The following DNAAF10 variants were observed in gnomAD, a reference collection of about 807,000 sequenced individuals.
DNAAF10 encodes WD repeat domain 92.
Under a neutral mutation model 43.7 loss-of-function variants are expected in DNAAF10, and 28 were observed. That is an observed-to-expected ratio of 0.64 (90% confidence interval 0.48 to 0.88). The LOEUF is 0.88. DNAAF10 is among the 40% of genes least tolerant of loss of function. DNAAF10 has a pLI of 0.00. For synonymous variants in DNAAF10, 156 were observed against 157.3 expected (o/e 0.99, Z 0.06); for missense variants, 403 against 439.1 (o/e 0.92, Z 0.73).
chr2:68,134,244 T>C, intron 7 of DNAAF10: 5 of 995,314 alleles, frequency 5.0e-6, no homozygotes, highest in Non-Finnish European at 4.8e-6. Context: ...AAAGCTTTCA[T>C]TGTAACTCAC....
At chr2:68,132,913 A>T (rs1672954054) in intron 7 of DNAAF10, among the ~76,000 whole-genome samples, 1 of 152,230 alleles carries the variant, frequency 6.6e-6, no homozygotes. Flanking sequence ...TCCAGCTGCG[A>T]AAGTGTTCGT....
chr2:68,132,839 A>G (rs1426177530), intron 7 of DNAAF10, among the ~76,000 whole-genome samples: 1 of 152,242 alleles, frequency 6.6e-6, no homozygotes, highest in African/African-American at 2.4e-5. Flanking sequence ...ACATTGCGCT[A>G]AACTTCAAAT....
chr2:68,139,761 G>A (rs1158087930), intron 4 of DNAAF10, among the ~76,000 whole-genome samples: 1 of 150,878 alleles, frequency 6.6e-6, no homozygotes, highest in South Asian at 2.1e-4. Flanking sequence ...CCAAGATCGC[G>A]CCAATGCACT....
At chr2:68,138,246 T>G (rs1457329632) in intron 5 of DNAAF10, among the ~76,000 whole-genome samples, 1 of 152,084 alleles carries the variant, frequency 6.6e-6, no homozygotes, top group Non-Finnish European at 1.5e-5. Flanking sequence ...CAAAACAATC[T>G]TGGGTTCCCA....
intron 2 of DNAAF10, among the ~76,000 whole-genome samples, chr2:68,147,133 T>A: frequency 6.6e-6 from 1 of 152,306 alleles, no homozygotes; most frequent in East Asian, 1.9e-4. Flanking sequence ...GTTATTCATA[T>A]GCATTTTTAT....
intron 7 of DNAAF10, chr2:68,134,059 T>C (rs1425549137): frequency 1.1e-6 from 1 of 884,840 alleles, no homozygotes; most frequent in Non-Finnish European, 1.4e-6. Flanking sequence ...GCTTAGCTAA[T>C]AAAGTATTCA....
chr2:68,136,478 T>C (rs955080661), intron 6 of DNAAF10, among the ~76,000 whole-genome samples: 5 of 152,186 alleles, frequency 3.3e-5, no homozygotes, highest in African/African-American at 7.2e-5. Flanking sequence ...TGAGACAAAA[T>C]AGAAAGGTTC....
At chr2:68,142,795 T>G (rs1191642108) in intron 3 of DNAAF10, among the ~76,000 whole-genome samples, 1 of 151,916 alleles carries the variant, frequency 6.6e-6, no homozygotes, top group Non-Finnish European at 1.5e-5. Context: ...AAAAAATCCT[T>G]AAAAGGAAAA....
At chr2:68,154,929 A>C (rs1173729031) in intron 1 of DNAAF10, among the ~76,000 whole-genome samples, 1 of 151,904 alleles carries the variant, frequency 6.6e-6, no homozygotes. Flanking sequence ...TGCCCAGCTA[A>C]TTTTTGTATT....
At chr2:68,144,800 G>T in intron 2 of DNAAF10, 85 bp from the exon 3 acceptor site, 1 of 1,459,588 alleles carries the variant, frequency 6.9e-7, no homozygotes. Context: ...ATTATAGTTA[G>T]ATTTTTTCTG....
chr2:68,133,858 C>T (rs1672975062), intron 7 of DNAAF10, among the ~76,000 whole-genome samples: 1 of 152,184 alleles, frequency 6.6e-6, no homozygotes, highest in Non-Finnish European at 1.5e-5. Flanking sequence ...GAACCCCTTC[C>T]AGCTTCTCAA....
intron 7 of DNAAF10, 138 bp from the exon 8 acceptor site, chr2:68,131,583 A>G: frequency 1.2e-6 from 1 of 817,150 alleles, no homozygotes; most frequent in Non-Finnish European, 1.9e-6. Flanking sequence ...TCTAATACTG[A>G]GTTGTTTGCA....
intron 6 of DNAAF10, 105 bp from the exon 7 acceptor site, chr2:68,134,904 A>G: frequency 7.9e-7 from 1 of 1,266,898 alleles, no homozygotes; most frequent in Middle Eastern, 2.4e-4. Context: ...CAATGGTTAT[A>G]AAAGTAATTA....
chr2:68,134,876 C>T, intron 6 of DNAAF10, 77 bp from the exon 7 acceptor site: 1 of 1,485,354 alleles, frequency 6.7e-7, no homozygotes, highest in Non-Finnish European at 9.3e-7. Context: ...AAATAAAAAA[C>T]TCTTACAACT....
At chr2:68,138,199 C>A (rs1413754234) in intron 5 of DNAAF10, among the ~76,000 whole-genome samples, 8 of 151,858 alleles carry the variant, frequency 5.3e-5, no homozygotes, top group Admixed American at 5.2e-4. Flanking sequence ...AACAAACAAA[C>A]AAAAAACCCA....
intron 4 of DNAAF10, 82 bp from the exon 5 acceptor site, chr2:68,138,939 C>T (rs569760056): frequency 1.1e-6 from 1 of 950,604 alleles, no homozygotes; most frequent in Admixed American, 1.9e-5. Flanking sequence ...ATGAAACTAA[C>T]ATAAAACTTA....
At chr2:68,153,507 G>T (rs1321657425) in intron 1 of DNAAF10, among the ~76,000 whole-genome samples, 4 of 151,866 alleles carry the variant, frequency 2.6e-5, no homozygotes, top group Non-Finnish European at 5.9e-5. Flanking sequence ...TCACCTTGCG[G>T]AAGTTTAAAA....
chr2:68,131,699 C>A, intron 7 of DNAAF10: 1 of 406,268 alleles, frequency 2.5e-6, no homozygotes. Context: ...CAACGTGTAT[C>A]TGTATTTTCT....
At chr2:68,134,077 C>G (rs1420535935) in intron 7 of DNAAF10, 1 of 946,502 alleles carries the variant, frequency 1.1e-6, no homozygotes, top group African/African-American at 1.8e-5. Context: ...TCAGAAATAC[C>G]ATTAACTCAC....
Sources: gnomAD v4.1 joint callset for allele counts (sites outside exome capture counted in the v4.1 genomes callset) on GRCh38, gnomAD v4.1.1 for gene constraint, MANE v1.5 for transcripts, NCBI Gene and HGNC (gene_info 2026-07-23, HGNC 2026-07-21) for gene names.